Variants in PDGFC observed in about 807,000 individuals in gnomAD.
The protein encoded by PDGFC is platelet-derived growth factor C.
A neutral mutation model predicts 35.5 loss-of-function variants in PDGFC; 12 were observed. The ratio of observed to expected loss-of-function variants is 0.34; its 90% confidence interval spans 0.22 to 0.55. PDGFC has a LOEUF of 0.55. Among genes scored for constraint, PDGFC ranks in the 20% least tolerant of loss-of-function variants. The pLI, the probability that PDGFC is intolerant of heterozygous loss-of-function variation, is 0.91. For missense variants in PDGFC, 322 were observed against 412.4 expected, an observed-to-expected ratio of 0.78 and a Z score of 1.90; for synonymous variants, 159 against 148.8, an observed-to-expected ratio of 1.07 and a Z score of -0.50.
At chr4:156,849,399 T>C (rs1056550455) in intron 2 of PDGFC, among the ~76,000 whole-genome samples, 1 of 152,096 alleles carries the variant, frequency 6.6e-6, no homozygotes, top group Non-Finnish European at 1.5e-5. Context: ...ATCTGTAATA[T>C]ACCATGAGAT....
At chr4:156,906,242 AT>A (rs527250959) in intron 1 of PDGFC, among the ~76,000 whole-genome samples, 204 of 152,298 alleles carry the variant, frequency 1.3e-3, no homozygotes, top group African/African-American at 4.8e-3. Flanking sequence ...AGGTTTCTTA[AT>A]GTCATAAATT....
At chr4:156,877,645 C>A (rs1056621871) in intron 1 of PDGFC, among the ~76,000 whole-genome samples, 1 of 149,804 alleles carries the variant, frequency 6.7e-6, no homozygotes, top group African/African-American at 2.6e-5. Flanking sequence ...TAGGAATGTG[C>A]AATCAGGAAG....
At chr4:156,817,555 G>A (rs1300801690) in intron 2 of PDGFC, among the ~76,000 whole-genome samples, 1 of 152,152 alleles carries the variant, frequency 6.6e-6, no homozygotes, top group African/African-American at 2.4e-5. Context: ...GAAAAGGACT[G>A]TCAAGGATTA....
At chr4:156,968,472 A>G (rs1054117161) in intron 1 of PDGFC, among the ~76,000 whole-genome samples, 3 of 152,160 alleles carry the variant, frequency 2.0e-5, no homozygotes, top group African/African-American at 7.2e-5. Flanking sequence ...TATGTGGGCA[A>G]AAGATTACCC....
rs140233478 is a variant in PDGFC at position 156,946,889 on chromosome 4, C to T, written c.118+23897G>A. 2.4e-4 allele frequency among the ~76,000 whole-genome samples: 36 copies of T among 152,100 alleles called. No individual in the cohort carries two copies. The East Asian group carries it at 6.2e-3, about 26-fold the overall frequency. The stretch of plus-strand genomic sequence containing the variant: ...CAGACCAAAAGCAGTAAGAAGACAT[C>T]ACCCAGTTTACTTAGGAATGCTTGA... On this transcript the variant is annotated intron_variant, in intron 1 of 5. Transcript: ENST00000502773.
chr4:156,869,010 T>C (rs1417908835), intron 1 of PDGFC, among the ~76,000 whole-genome samples: 4 of 152,226 alleles, frequency 2.6e-5, no homozygotes, highest in Admixed American at 1.3e-4. Context: ...TAGTTTCTCC[T>C]CTACATTAGT....
chr4:156,838,712 A>G (rs773699687), intron 2 of PDGFC, among the ~76,000 whole-genome samples: 6 of 152,186 alleles, frequency 3.9e-5, no homozygotes, highest in Non-Finnish European at 8.8e-5. Flanking sequence ...CTTTTTTACT[A>G]GTTACAATCA....
chr4:156,792,666 G>T (rs114612388), intron 3 of PDGFC, among the ~76,000 whole-genome samples: 6 of 152,130 alleles, frequency 3.9e-5, no homozygotes, highest in Non-Finnish European at 7.4e-5. Context: ...CCAATTCCAC[G>T]TAGTGTGCAT....
At chr4:156,850,751 T>C (rs573364302) in intron 1 of PDGFC, among the ~76,000 whole-genome samples, 1 of 152,114 alleles carries the variant, frequency 6.6e-6, no homozygotes, top group Non-Finnish European at 1.5e-5. Context: ...TTATCAAATA[T>C]GAGACATTTT....
At chr4:156,841,100 G>T (rs1729192502) in intron 2 of PDGFC, among the ~76,000 whole-genome samples, 1 of 151,456 alleles carries the variant, frequency 6.6e-6, no homozygotes, top group South Asian at 2.1e-4. Context: ...GGGACTGTTG[G>T]AAAGTGATGA....
intron 1 of PDGFC, among the ~76,000 whole-genome samples, chr4:156,957,621 C>A (rs1022285375): frequency 6.6e-6 from 1 of 151,956 alleles, no homozygotes; most frequent in Non-Finnish European, 1.5e-5. Flanking sequence ...TGTTCAGCAA[C>A]CTTCATTCTG....
At chr4:156,815,758 A>G (rs1317024894) in intron 2 of PDGFC, among the ~76,000 whole-genome samples, 1 of 152,114 alleles carries the variant, frequency 6.6e-6, no homozygotes, top group East Asian at 1.9e-4. Flanking sequence ...TCCTTATAAT[A>G]CACTCTCAGG....
intron 1 of PDGFC, chr4:156,861,429 C>T (rs1333716769): frequency 8.3e-7 from 1 of 1,208,196 alleles, no homozygotes; most frequent in Middle Eastern, 2.2e-4. Flanking sequence ...TTTTGCTTAC[C>T]TTTTAAATGT....
At chr4:156,773,338 A>G (rs559077866) in intron 3 of PDGFC, among the ~76,000 whole-genome samples, 1 of 152,334 alleles carries the variant, frequency 6.6e-6, no homozygotes, top group Admixed American at 6.5e-5. Flanking sequence ...AAGATCTAGA[A>G]CAAAATAGTT....
chr4:156,848,567 A>G (rs566196642), intron 2 of PDGFC, among the ~76,000 whole-genome samples: 41 of 152,130 alleles, frequency 2.7e-4, no homozygotes, highest in African/African-American at 9.4e-4. Flanking sequence ...CCTCAATATG[A>G]ACTAATTTTT....
chr4:156,858,380 G>A (rs944603215), intron 1 of PDGFC, among the ~76,000 whole-genome samples: 5 of 152,122 alleles, frequency 3.3e-5, no homozygotes, highest in Admixed American at 3.3e-4. Flanking sequence ...TATGAAATAG[G>A]ATAAATGGCC....
chr4:156,777,972 G>T (rs1730871223), intron 3 of PDGFC, among the ~76,000 whole-genome samples: 1 of 151,858 alleles, frequency 6.6e-6, no homozygotes, highest in Non-Finnish European at 1.5e-5. Context: ...AGGCATGTTG[G>T]CCACGCTTAT....
At chr4:156,951,242 C>A (rs957667022) in intron 1 of PDGFC, among the ~76,000 whole-genome samples, 1 of 151,804 alleles carries the variant, frequency 6.6e-6, no homozygotes, top group African/African-American at 2.4e-5. Flanking sequence ...AAACAACGCT[C>A]GTGATCACAA....
At chr4:156,964,358 G>T (rs1732413311) in intron 1 of PDGFC, among the ~76,000 whole-genome samples, 2 of 149,664 alleles carry the variant, frequency 1.3e-5, no homozygotes, top group Admixed American at 6.7e-5. Flanking sequence ...TTGCCAATTT[G>T]TCAGATGCCT....
Sources: allele counts gnomAD v4.1 joint callset (sites outside exome capture counted in the v4.1 genomes callset), GRCh38; gene constraint gnomAD v4.1.1; transcripts MANE v1.5; gene names NCBI Gene and HGNC (gene_info 2026-07-23, HGNC 2026-07-21).